RIF1: variants seen among roughly 807,000 people sequenced by gnomAD.
RIF1 encodes replication timing regulatory factor 1.
Under a neutral mutation model 247.1 loss-of-function variants are expected in RIF1, and 45 were observed. The ratio of observed to expected loss-of-function variants is 0.18; its 90% CI spans 0.14 to 0.23. RIF1 has a LOEUF of 0.23. RIF1 is among the 10% of genes least tolerant of loss of function. The pLI is 1.00. For synonymous variants in RIF1, 1,087 were observed against 978.8 expected (o/e 1.11, Z -2.06); for missense variants, 2,967 against 2,862.5 (o/e 1.04, Z -0.83).
chr2:151,426,394 T>G (rs1011503611), intron 8 of RIF1, among the ~76,000 whole-genome samples: 2 of 151,762 alleles, frequency 1.3e-5, no homozygotes, highest in African/African-American at 4.8e-5. Context: ...CAGGCTGGTC[T>G]CGAACTCCTG....
chr2:151,489,851 G>C lies in RIF1; in HGVS notation c.*416-5378G>C, dbSNP rs929234690. ...CATTAATATGAAACATGTAATAAAA[G>C]AGCATTATATAAAATAGAAGGTTTG... On this transcript the variant is annotated intron_variant and NMD_transcript_variant, in intron 9 of 13. Transcript: ENST00000454583. The C allele has an allele frequency of 5.1e-6, 3 of 592,354 alleles. No individual in the cohort carries two copies. In the African/African-American group the frequency reaches 5.7e-5, roughly 11 times the overall value. 36.7% of individuals were successfully genotyped at this position (592,354 alleles called of 1,614,324 possible). A position where few individuals can be genotyped will look rare whatever the true frequency, so the allele number is the denominator to read the frequency against.
chr2:151,527,516 G>A, the RIF1 span: 1 of 1,613,490 alleles, frequency 6.2e-7, no homozygotes, highest in Non-Finnish European at 8.5e-7. Context: ...GCAGCCTGGA[G>A]GAAGTCCGGT....
In RIF1 at chr2:151,468,392, A is replaced by C. The variant is rs1300866155; in HGVS notation, c.6748-82A>C. 24 of 1,135,082 alleles carry C rather than the reference A, an allele frequency of 2.1e-5. No homozygotes were observed. The East Asian group carries it at 5.4e-4, about 26-fold the overall frequency. The allele number at this position is 1,135,082 out of a possible 1,614,324, so 70.3% of individuals were successfully genotyped here. On this transcript the variant is annotated intron_variant, in intron 31 of 35. Transcript: ENST00000444746. ...TGTTTTTTGAACTTTTAAAGAAATG[A>C]TTGCAGTCTAAGTTGTAAAAATTGT...
In RIF1 at chr2:151,482,126, T is replaced by A. The variant is rs2049196153; in HGVS notation, c.*7055T>A. 1 of 152,210 alleles carries A rather than the reference T, an allele frequency of 6.6e-6. No homozygotes were observed. Among genetic ancestry groups the A allele is most frequent in the Non-Finnish European group, 1.5e-5 (1 of 68,036 alleles). The allele number at this position is 152,210 out of a possible 1,614,324, so 9.4% of individuals were successfully genotyped here. ...AATGGAAACTGGATATTGAAACATTTTTTTAAGAAATGCACTTTTACCTGA... is the reference window on the plus strand; with the variant it reads ...AATGGAAACTGGATATTGAAACATTATTTTAAGAAATGCACTTTTACCTGA... On this transcript the variant is annotated 3_prime_UTR_variant, in exon 36 of 36. Coordinates refer to ENST00000444746, the MANE Select transcript of RIF1 (RefSeq NM_018151.5).
Position 151,464,487 on chromosome 2 carries a change from C to G in RIF1, c.4967C>G (p.Thr1656Ser). 1 of 1,612,544 alleles carries G rather than the reference C, an allele frequency of 6.2e-7. No individual in the cohort carries two copies. Among genetic ancestry groups the G allele is most frequent in the Non-Finnish European group, 8.5e-7 (1 of 1,179,638 alleles). The part of the protein sequence containing the change: ...LPNVCEEKNE[T>S]SKYAEYSFTS... ...AATGTGTGTGAGGAAAAAAATGAAACTAGCAAATATGCAGAATATTCCTTT... is the reference window on the plus strand; with the variant it reads ...AATGTGTGTGAGGAAAAAAATGAAAGTAGCAAATATGCAGAATATTCCTTT... The change falls in exon 30 of 36, where the codon ACT becomes AGT. Residue 1656 changes from threonine (T) to serine (S), a missense_variant. This residue lies in a region of RIF1 where 2,028 missense variants were observed against 1,825.6 expected (regional missense o/e 1.11). Transcript: ENST00000444746.
At chr2:151,510,690 A>G (rs2073530469), downstream of RIF1, among the ~76,000 whole-genome samples, 1 of 152,202 alleles carries the variant, frequency 6.6e-6, no homozygotes, top group African/African-American at 2.4e-5. Context: ...TACTGTGCTA[A>G]TTTACAAATT....
chr2:151,465,445 T>A lies in RIF1; in HGVS notation c.5925T>A (p.Leu1975=). The A allele has an allele frequency of 6.2e-7, 1 of 1,614,022 alleles. No individual in the cohort carries two copies. The highest frequency in any genetic ancestry group is 2.2e-5 in the East Asian group (1 of 44,880). ...AGGAATTTAATTCAGATATTAGTCT[T>A]TCTGATAATACTACACCTGTAAAAT... is the stretch of plus-strand genomic sequence containing the variant. The part of the protein sequence containing the change: ...ATEEFNSDIS[L]SDNTTPVKLN... The change falls in exon 30 of 36, where the codon CTT becomes CTA. Residue 1975 remains leucine, a synonymous_variant. Coordinates refer to ENST00000444746, the MANE Select transcript of RIF1 (RefSeq NM_018151.5).
At chr2:151,462,770 T>G in intron 29 of RIF1, 114 bp from the exon 30 acceptor site, 1 of 711,616 alleles carries the variant, frequency 1.4e-6, no homozygotes, top group Non-Finnish European at 2.3e-6. Context: ...ATATTGAATG[T>G]CAGTGATTAT....
At chr2:151,452,650 C>T (rs1387751582) in intron 21 of RIF1, among the ~76,000 whole-genome samples, 1 of 152,202 alleles carries the variant, frequency 6.6e-6, no homozygotes, top group Non-Finnish European at 1.5e-5. Flanking sequence ...TCTTAGCTCT[C>T]CTCTTGGTCT....
downstream of RIF1, among the ~76,000 whole-genome samples, chr2:151,484,156 C>A (rs1184516058): frequency 1.3e-5 from 2 of 151,996 alleles, no homozygotes; most frequent in Non-Finnish European, 2.9e-5. Context: ...ATGTGGAACT[C>A]AAGGATCTTG....
intron 9 of RIF1, among the ~76,000 whole-genome samples, chr2:151,429,221 C>T (rs1689623521): frequency 6.6e-6 from 1 of 152,108 alleles, no homozygotes; most frequent in Admixed American, 6.6e-5. Flanking sequence ...GTCGCTCTTG[C>T]CCAGGCTGGA....
At chr2:151,495,732 C>G (rs910368081) in intron 10 of RIF1, among the ~76,000 whole-genome samples, 1 of 90,508 alleles carries the variant, frequency 1.1e-5, no homozygotes, top group Non-Finnish European at 2.5e-5. Context: ...GTGACACTTT[C>G]ATTTTTAAGT....
At position 151,455,074 on chromosome 2, in the gene RIF1, C is replaced by T; in HGVS notation, c.2524C>T (p.Leu842Phe). The T allele has an allele frequency of 6.2e-7, 1 of 1,613,492 alleles. No individual in the cohort carries two copies. Among genetic ancestry groups the T allele is most frequent in the Non-Finnish European group, 8.5e-7 (1 of 1,179,480 alleles). Residue 842 changes from leucine to phenylalanine, a missense_variant, in exon 22 of 36, where the codon CTT becomes TTT. Physicochemically the swap from Leu to Phe is conservative, Grantham distance 22. Coordinates refer to ENST00000444746, the MANE Select transcript of RIF1 (RefSeq NM_018151.5). Reference sequence around the variant, plus strand: ...AATCACCGGCATTATTTCCAGTGTACTTGGGCATATTTCTTTGCCTTCTAT... The same window carrying T: ...AATCACCGGCATTATTTCCAGTGTATTTGGGCATATTTCTTTGCCTTCTAT... ...NSITGIISSV[L>F]GHISLPSMIR...
chr2:151,533,464 T>A, the RIF1 span: 1 of 1,551,280 alleles, frequency 6.4e-7, no homozygotes, highest in Non-Finnish European at 8.7e-7. Context: ...ATGCGAATTG[T>A]AGAGAGCAGT....
At chr2:151,518,693 T>A in the RIF1 span, among the ~76,000 whole-genome samples, 1 of 152,202 alleles carries the variant, frequency 6.6e-6, no homozygotes, top group African/African-American at 2.4e-5. Context: ...CCAGAGGGTA[T>A]TTCTATGTCC....
chr2:151,448,505 C>A (rs1693712046), intron 20 of RIF1, among the ~76,000 whole-genome samples: 2 of 152,116 alleles, frequency 1.3e-5, no homozygotes, highest in African/African-American at 4.8e-5. Context: ...TAGCACAATT[C>A]TAATTGTATT....
chr2:151,525,451 T>C, the RIF1 span, among the ~76,000 whole-genome samples: 1 of 152,208 alleles, frequency 6.6e-6, no homozygotes, highest in South Asian at 2.1e-4. Flanking sequence ...AACCCAACAC[T>C]AGAACCACCT....
chr2:151,443,991 G>A (rs1312333279), intron 18 of RIF1, among the ~76,000 whole-genome samples: 1 of 152,160 alleles, frequency 6.6e-6, no homozygotes, highest in East Asian at 1.9e-4. Context: ...GATTCTTTCA[G>A]TAGTTTTATT....
At chr2:151,513,492 C>T in the RIF1 span, 3 of 935,988 alleles carry the variant, frequency 3.2e-6, no homozygotes, top group Non-Finnish European at 3.3e-6. Context: ...GTGACTGTCA[C>T]CAATAAATCA....
Sources: gnomAD v4.1 joint callset for allele counts (sites outside exome capture counted in the v4.1 genomes callset) on GRCh38, gnomAD v4.1.1 for gene constraint, gnomAD v4.1.1 regional missense constraint, MANE v1.5 for transcripts, NCBI Gene and HGNC (gene_info 2026-07-23, HGNC 2026-07-21) for gene names.